TYW1B: variants seen among roughly 807,000 people sequenced by gnomAD.
TYW1B encodes the protein tRNA-yW synthesizing protein 1 homolog B.
Under a neutral mutation model 86.9 loss-of-function variants are expected in TYW1B, and 73 were observed. The ratio of observed to expected loss-of-function variants is 0.84; its 90% confidence interval spans 0.70 to 1.02. The LOEUF (loss-of-function observed/expected upper bound fraction) is 1.02, where lower values mean the gene tolerates loss of function less well. Ranked by LOEUF, TYW1B falls within the 50% of genes least tolerant of loss-of-function variation. The pLI is 0.00. For synonymous variants in TYW1B, 248 were observed against 292.8 expected (o/e 0.85, Z 1.56); for missense variants, 637 against 827.4 (o/e 0.77, Z 2.82).
intron 8 of TYW1B, among the ~76,000 whole-genome samples, chr7:72,739,472 G>A: frequency 6.6e-6 from 1 of 151,926 alleles, no homozygotes; most frequent in Non-Finnish European, 1.5e-5. Context: ...AGGGCATGGT[G>A]GCACGCACCT....
At chr7:72,778,142 A>T (rs183614774) in intron 6 of TYW1B, among the ~76,000 whole-genome samples, 1 of 152,260 alleles carries the variant, frequency 6.6e-6, no homozygotes, top group African/African-American at 2.4e-5. Flanking sequence ...CATTTTCAGC[A>T]ATCTGAGTAC....
chr7:72,586,730 C>T (rs1419818751), intron 13 of TYW1B, among the ~76,000 whole-genome samples: 2 of 149,170 alleles, frequency 1.3e-5, no homozygotes, highest in East Asian at 1.9e-4. Flanking sequence ...GAGTGAGACG[C>T]CCATCTCAAA....
chr7:72,615,797 C>A (rs557277850), intron 13 of TYW1B, among the ~76,000 whole-genome samples: 1 of 151,690 alleles, frequency 6.6e-6, no homozygotes, highest in Non-Finnish European at 1.5e-5. Context: ...ACATAAAATA[C>A]AAAATTAAGA....
chr7:72,733,732 A>C (rs1288464282), intron 8 of TYW1B, among the ~76,000 whole-genome samples: 2 of 152,214 alleles, frequency 1.3e-5, no homozygotes, highest in African/African-American at 4.8e-5. Context: ...CACACACACA[A>C]AAATGGAAAG....
At chr7:72,770,989 T>C (rs567868625) in intron 7 of TYW1B, among the ~76,000 whole-genome samples, 3 of 138,092 alleles carry the variant, frequency 2.2e-5, no homozygotes, top group African/African-American at 8.3e-5. Context: ...TGAGATGGAG[T>C]CTCACTCTTA....
At chr7:72,801,467 G>A (rs1788402666) in intron 6 of TYW1B, among the ~76,000 whole-genome samples, 1 of 151,694 alleles carries the variant, frequency 6.6e-6, no homozygotes, top group Non-Finnish European at 1.5e-5. Context: ...TCTACATTGT[G>A]ATATCCTGCT....
chr7:72,645,457 G>T (rs1554441925), intron 11 of TYW1B, among the ~76,000 whole-genome samples: 1 of 152,082 alleles, frequency 6.6e-6, no homozygotes, highest in Non-Finnish European at 1.5e-5. Flanking sequence ...ACATCAGTTA[G>T]TCCATGTGTA....
At chr7:72,586,036 G>A (rs1352647645) in intron 13 of TYW1B, among the ~76,000 whole-genome samples, 19 of 152,136 alleles carry the variant, frequency 1.2e-4, no homozygotes, top group Admixed American at 1.2e-3. Flanking sequence ...ACCACCTCCA[G>A]ATTTAACAGT....
chr7:72,811,932 A>G (rs1319938669), intron 3 of TYW1B, among the ~76,000 whole-genome samples: 8 of 131,226 alleles, frequency 6.1e-5, no homozygotes, highest in East Asian at 4.4e-4. Context: ...AAAAAAAAAA[A>G]AAAGGAAAAG....
At chr7:72,604,526 A>C (rs1178453952) in intron 13 of TYW1B, among the ~76,000 whole-genome samples, 1 of 152,138 alleles carries the variant, frequency 6.6e-6, no homozygotes, top group Non-Finnish European at 1.5e-5. Context: ...TGCTATGTGG[A>C]TTCCGCAAGC....
At chr7:72,619,905 G>A (rs1314862163) in intron 12 of TYW1B, among the ~76,000 whole-genome samples, 4 of 152,028 alleles carry the variant, frequency 2.6e-5, no homozygotes, top group South Asian at 2.1e-4. Context: ...TCTTGTCTTC[G>A]TGAGAACAGC....
At chr7:72,602,886 A>ACACACACACACACACACACACAC (rs1585839572) in intron 13 of TYW1B, among the ~76,000 whole-genome samples, 1 of 139,564 alleles carries the variant, frequency 7.2e-6, no homozygotes, top group East Asian at 2.1e-4. Flanking sequence ...ACACACACAC[A>ACACACACACACACACACACACAC]ATGTTGATGG....
At chr7:72,698,851 G>A (rs538053171) in intron 10 of TYW1B, among the ~76,000 whole-genome samples, 1 of 152,298 alleles carries the variant, frequency 6.6e-6, no homozygotes, top group African/African-American at 2.4e-5. Flanking sequence ...CGGATGATCT[G>A]TGAAATGCAG....
intron 7 of TYW1B, among the ~76,000 whole-genome samples, chr7:72,750,000 CCT>C (rs2129571461): frequency 1.0e-4 from 2 of 19,906 alleles, no homozygotes; most frequent in East Asian, 1.8e-3. Context: ...AATGATCCTC[CCT>C]CACAGCCTCC....
At position 72,682,709 on chromosome 7, in the gene TYW1B, C is replaced by T. The variant is rs544055545; in HGVS notation, c.1506+11978G>A. Among the ~76,000 whole-genome samples, 1,051 of 152,240 alleles carry T rather than the reference C, an allele frequency of 6.9e-3. 10 individuals are homozygous for T. The highest frequency in any genetic ancestry group is 0.023 in the African/African-American group (956 of 41,532). On this transcript the variant is annotated intron_variant, in intron 11 of 13. Coordinates refer to ENST00000620995, the MANE Select transcript of TYW1B (RefSeq NM_001145440.3). ...TAGATCCATCAGAGAAGTGAGGTCA[C>T]AGGGCAAACCTGCTGTCCCCATAAT...
intron 8 of TYW1B, among the ~76,000 whole-genome samples, chr7:72,731,715 A>G (rs59481434): frequency 0.78 from 118,355 of 152,102 alleles, 46,344 homozygotes; most frequent in Non-Finnish European, 0.8. Context: ...AGGCTGAGGC[A>G]GGGGGATCAC....
intron 10 of TYW1B, among the ~76,000 whole-genome samples, chr7:72,696,788 C>T (rs1554451584): frequency 6.6e-6 from 1 of 151,978 alleles, no homozygotes; most frequent in South Asian, 2.1e-4. Flanking sequence ...AGGCTCTGAC[C>T]AAATGTAGGA....
At position 72,726,488 on chromosome 7, in the gene TYW1B, G is replaced by A. The variant is rs1276127368; in HGVS notation, c.1192+2334C>T. The stretch of plus-strand genomic sequence containing the variant: ...AGCGATTCTCCTGCCTCAGCCCCCC[G>A]AGTAGCTGGGATTAAAAGGCCCACA... On this transcript the variant is annotated intron_variant, in intron 9 of 13. Coordinates refer to ENST00000620995, the MANE Select transcript of TYW1B (RefSeq NM_001145440.3). 4.0e-5 allele frequency among the ~76,000 whole-genome samples: 6 copies of A among 151,138 alleles called. No individual in the cohort carries two copies. In the East Asian group the frequency reaches 7.8e-4, roughly 20 times the overall value.
intron 13 of TYW1B, among the ~76,000 whole-genome samples, chr7:72,584,185 A>G (rs1811220328): frequency 6.6e-6 from 1 of 152,116 alleles, no homozygotes; most frequent in Non-Finnish European, 1.5e-5. Context: ...AGCTGGGACT[A>G]CAGTGCATGC....
Sources: gnomAD v4.1 joint callset for allele counts (sites outside exome capture counted in the v4.1 genomes callset) on GRCh38, gnomAD v4.1.1 for gene constraint, MANE v1.5 for transcripts, NCBI Gene and HGNC (gene_info 2026-07-23, HGNC 2026-07-21) for gene names.